Variants in HIRA observed in about 807,000 individuals in gnomAD.
The protein encoded by HIRA is protein HIRA.
HIRA carries 13 observed loss-of-function variants against 126.6 expected under a neutral mutation model. The observed-to-expected ratio is 0.10, with a 90% CI of 0.07 to 0.16. The LOEUF is 0.16. HIRA is among the 10% of genes least tolerant of loss of function. The probability of loss-of-function intolerance (pLI) is 1.00; values close to 1 mark genes in which losing one functional copy is unlikely to be tolerated. For missense variants in HIRA, 834 were observed against 1,314.4 expected (o/e 0.63, Z 5.65); for synonymous variants, 511 against 520.0 (o/e 0.98, Z 0.24).
At position 19,389,910 on chromosome 22, in the gene HIRA, C is replaced by T. The variant is rs117869280; in HGVS notation, c.937-1356G>A. Among the ~76,000 whole-genome samples, 9 of 149,876 alleles carry T rather than the reference C, an allele frequency of 6.0e-5. No homozygotes were observed. In the East Asian group the frequency reaches 1.8e-3, roughly 29 times the overall value. ...CACACAGTAATATATTTCTCTATAC[C>T]AAACTAATAAATGCAGCCAGAGGAT... On this transcript the variant is annotated intron_variant, in intron 9 of 24. Coordinates refer to ENST00000263208, the MANE Select transcript of HIRA (RefSeq NM_003325.4).
intron 1 of HIRA, among the ~76,000 whole-genome samples, chr22:19,430,829 A>G (rs913585515): frequency 6.6e-6 from 1 of 152,188 alleles, no homozygotes; most frequent in African/African-American, 2.4e-5. Flanking sequence ...AGAGCTAAGA[A>G]GCCCCTCTGC....
At chr22:19,367,657 G>A (rs550249934) in intron 15 of HIRA, among the ~76,000 whole-genome samples, 13 of 152,314 alleles carry the variant, frequency 8.5e-5, no homozygotes, top group Non-Finnish European at 1.8e-4. Context: ...ATGAGCCACT[G>A]AGCTGAGCCC....
intron 24 of HIRA, among the ~76,000 whole-genome samples, chr22:19,350,866 C>G (rs758844083): frequency 3.3e-5 from 5 of 152,060 alleles, no homozygotes; most frequent in African/African-American, 7.2e-5. Context: ...CTCTGTATGG[C>G]TGTCTCACTC....
At chr22:19,405,930 G>C in intron 4 of HIRA, 50 bp from the exon 5 acceptor site, 4 of 1,189,328 alleles carry the variant, frequency 3.4e-6, no homozygotes, top group Non-Finnish European at 3.4e-6. Flanking sequence ...TCTGGGCACT[G>C]CATAGAAATG....
At position 19,371,893 on chromosome 22, in the gene HIRA, C is replaced by T. The variant is rs1011104977; in HGVS notation, c.1775+3738G>A. Reference sequence around the variant, plus strand: ...ACCTGATGGACTTTTGGGCTATTTCCACTTTTTGGTTATTATGTACAGATG... The same window carrying T: ...ACCTGATGGACTTTTGGGCTATTTCTACTTTTTGGTTATTATGTACAGATG... On this transcript the variant is annotated intron_variant, in intron 15 of 24. Transcript: ENST00000263208. Among the ~76,000 whole-genome samples, 13 of 152,148 alleles carry T rather than the reference C, an allele frequency of 8.5e-5. No individual in the cohort carries two copies. The South Asian group carries it at 1.2e-3, about 15-fold the overall frequency.
intron 6 of HIRA, among the ~76,000 whole-genome samples, chr22:19,397,152 G>A (rs1216491844): frequency 6.6e-6 from 1 of 152,208 alleles, no homozygotes; most frequent in African/African-American, 2.4e-5. Context: ...CAAGGAGGCA[G>A]GCACCAAGGG....
chr22:19,343,049 G>A (rs984747079), intron 24 of HIRA, among the ~76,000 whole-genome samples: 1 of 152,180 alleles, frequency 6.6e-6, no homozygotes, highest in Non-Finnish European at 1.5e-5. Flanking sequence ...TAACCTATGA[G>A]GATGCAAAGG....
At position 19,355,831 on chromosome 22, in the gene HIRA, C is replaced by G; in HGVS notation, c.2490G>C (p.Thr830=). 6.2e-7 allele frequency: 1 copy of G among 1,613,842 alleles called. No homozygotes were observed. The highest frequency in any genetic ancestry group is 8.5e-7 in the Non-Finnish European group (1 of 1,179,764). Reference sequence around the variant, plus strand: ...GGTTCATTACTGGGATTCCATGCTGCGTCAGCAAGATCTGTGATACCGTCA... The same window carrying G: ...GGTTCATTACTGGGATTCCATGCTGGGTCAGCAAGATCTGTGATACCGTCA... ...SDMTVSQILL[T]QHGIPVMNLS... is the part of the protein sequence containing the mutation. Residue 830 remains threonine (T), a synonymous_variant, in exon 21 of 25, where the codon ACG becomes ACC. Coordinates refer to ENST00000263208, the MANE Select transcript of HIRA (RefSeq NM_003325.4).
chr22:19,403,101 C>CAAA (rs199777922), intron 5 of HIRA, among the ~76,000 whole-genome samples: 84 of 70,612 alleles, frequency 1.2e-3, no homozygotes, highest in Admixed American at 2.9e-3. Flanking sequence ...GACACAGTCT[C>CAAA]AAAAAAAAAA....
chr22:19,361,398 G>C, intron 16 of HIRA, 57 bp from the exon 17 acceptor site: 1 of 1,449,372 alleles, frequency 6.9e-7, no homozygotes. Flanking sequence ...GTAGCATTTG[G>C]TAAAGGCAGG....
At chr22:19,394,742 A>G (rs1351697754) in intron 7 of HIRA, among the ~76,000 whole-genome samples, 3 of 152,192 alleles carry the variant, frequency 2.0e-5, no homozygotes, top group African/African-American at 7.2e-5. Flanking sequence ...GAGCTGAACA[A>G]AGAAATATAG....
At chr22:19,369,217 G>A (rs2088942207) in intron 15 of HIRA, among the ~76,000 whole-genome samples, 1 of 152,062 alleles carries the variant, frequency 6.6e-6, no homozygotes, top group South Asian at 2.1e-4. Context: ...CTTAGGAGAG[G>A]GTGGAGCAGA....
chr22:19,352,111 AT>A (rs2088764467), intron 23 of HIRA, among the ~76,000 whole-genome samples: 1 of 152,020 alleles, frequency 6.6e-6, no homozygotes, highest in African/African-American at 2.4e-5. Context: ...GTCCACTTTT[AT>A]ACTAGATTCC....
intron 24 of HIRA, among the ~76,000 whole-genome samples, chr22:19,346,232 T>C (rs889335354): frequency 1.6e-4 from 24 of 152,298 alleles, no homozygotes; most frequent in African/African-American, 5.8e-4. Flanking sequence ...TGTTGATAAA[T>C]AAGGCCAGGC....
chr22:19,333,016 C>G (rs546408600), intron 24 of HIRA, among the ~76,000 whole-genome samples: 2 of 152,212 alleles, frequency 1.3e-5, no homozygotes, highest in East Asian at 3.9e-4. Context: ...TCAAGTGATC[C>G]TCCTGCCTCA....
intron 2 of HIRA, among the ~76,000 whole-genome samples, chr22:19,409,966 A>G (rs1419205338): frequency 6.6e-6 from 1 of 152,006 alleles, no homozygotes; most frequent in Non-Finnish European, 1.5e-5. Context: ...CTGGAAACCC[A>G]CCCTGCAGCA....
At chr22:19,369,185 G>A (rs1031898675) in intron 15 of HIRA, among the ~76,000 whole-genome samples, 7 of 152,102 alleles carry the variant, frequency 4.6e-5, no homozygotes, top group East Asian at 1.9e-4. Flanking sequence ...AGGTCCCTAC[G>A]TGCTTCTGCC....
At chr22:19,358,505 T>C (rs972190329) in intron 18 of HIRA, among the ~76,000 whole-genome samples, 17 of 152,158 alleles carry the variant, frequency 1.1e-4, no homozygotes, top group Non-Finnish European at 2.2e-4. Context: ...TGTGGAAGCA[T>C]CTGATACACA....
chr22:19,430,573 G>T, intron 1 of HIRA, among the ~76,000 whole-genome samples: 1 of 151,900 alleles, frequency 6.6e-6, no homozygotes, highest in East Asian at 1.9e-4. Flanking sequence ...GCCAGAATCA[G>T]GCCCTGGGCT....
Sources: allele counts gnomAD v4.1 joint callset (sites outside exome capture counted in the v4.1 genomes callset), GRCh38; gene constraint gnomAD v4.1.1; transcripts MANE v1.5; gene names NCBI Gene and HGNC (gene_info 2026-07-23, HGNC 2026-07-21).